Variants in DTNA observed in about 807,000 individuals in gnomAD.
The protein encoded by DTNA is dystrobrevin alpha.
Under a neutral mutation model 100.7 loss-of-function variants are expected in DTNA, and 43 were observed. The observed-to-expected ratio is 0.43, with a 90% CI of 0.33 to 0.55. The LOEUF (loss-of-function observed/expected upper bound fraction) is 0.55, where lower values mean the gene tolerates loss of function less well. Among genes scored for constraint, DTNA ranks in the 20% least tolerant of loss-of-function variants. The pLI is 0.04. For missense variants in DTNA, 798 were observed against 953.9 expected (o/e 0.84, Z 2.15); for synonymous variants, 349 against 347.9 (o/e 1.00, Z -0.04).
At chr18:34,731,829 A>C (rs1396451414) in intron 1 of DTNA, among the ~76,000 whole-genome samples, 1 of 152,184 alleles carries the variant, frequency 6.6e-6, no homozygotes, top group African/African-American at 2.4e-5. Context: ...TCAAATGGAG[A>C]GTGTTAAATG....
At chr18:34,766,098 G>C in intron 3 of DTNA, 57 bp downstream of exon 3, 1 of 1,570,274 alleles carries the variant, frequency 6.4e-7, no homozygotes, top group Non-Finnish European at 8.7e-7. Flanking sequence ...GTTTACATTT[G>C]GTACTAAGTT....
At chr18:34,561,805 A>G (rs2046660210) in intron 1 of DTNA, among the ~76,000 whole-genome samples, 3 of 152,274 alleles carry the variant, frequency 2.0e-5, no homozygotes, top group Admixed American at 1.3e-4. Context: ...TCCTGGCATA[A>G]TCCTTCATTT....
At chr18:34,559,939 T>C (rs1426446396) in intron 1 of DTNA, among the ~76,000 whole-genome samples, 2 of 152,244 alleles carry the variant, frequency 1.3e-5, no homozygotes, top group African/African-American at 2.4e-5. Flanking sequence ...AGAATTATTA[T>C]GATTGTAAAC....
At position 34,883,713 on chromosome 18, in the gene DTNA, A is replaced by T. The variant is rs947956242; in HGVS notation, c.2296-1015A>T. On this transcript the variant is annotated intron_variant, in intron 21 of 22. Transcript: ENST00000444659. ...TCTCCTATTTCTCATATGTCTATAG[A>T]TAAAGCCTTGAAATATTTTTCCAAG... is the stretch of plus-strand genomic sequence containing the variant. Among the ~76,000 whole-genome samples the T allele has an allele frequency of 2.7e-4, 41 of 152,214 alleles. 1 individual carries two copies. Among genetic ancestry groups the T allele is most frequent in the Non-Finnish European group, 5.3e-4 (36 of 68,044 alleles).
chr18:34,682,608 A>C (rs1483575425), intron 1 of DTNA, among the ~76,000 whole-genome samples: 2 of 152,112 alleles, frequency 1.3e-5, no homozygotes, highest in Non-Finnish European at 2.9e-5. Context: ...TTCCCTAATG[A>C]TGTTGAACAT....
At chr18:34,679,005 A>T (rs538987779) in intron 1 of DTNA, among the ~76,000 whole-genome samples, 1 of 152,312 alleles carries the variant, frequency 6.6e-6, no homozygotes, top group Non-Finnish European at 1.5e-5. Context: ...ATCAGAGGAA[A>T]TGTTAGTCTG....
chr18:34,799,845 G>C (rs1386703458), intron 4 of DTNA, among the ~76,000 whole-genome samples: 1 of 152,084 alleles, frequency 6.6e-6, no homozygotes, highest in Admixed American at 6.6e-5. Context: ...AAGGGGTATG[G>C]GGGCATTCCA....
At chr18:34,730,456 C>T (rs972042539) in intron 1 of DTNA, among the ~76,000 whole-genome samples, 1 of 152,268 alleles carries the variant, frequency 6.6e-6, no homozygotes, top group East Asian at 1.9e-4. Context: ...TCAAGAATCA[C>T]AGGTCAGAAG....
chr18:34,558,388 C>T (rs2046326553), intron 1 of DTNA, among the ~76,000 whole-genome samples: 1 of 152,174 alleles, frequency 6.6e-6, no homozygotes, highest in African/African-American at 2.4e-5. Flanking sequence ...CATCTTGGCT[C>T]TTCCCCCCTA....
chr18:34,711,921 T>C (rs1190911911), intron 1 of DTNA, among the ~76,000 whole-genome samples: 3 of 152,154 alleles, frequency 2.0e-5, no homozygotes, highest in Non-Finnish European at 4.4e-5. Flanking sequence ...TTTATTCCTT[T>C]CTTTTTCCCT....
At chr18:34,697,195 C>A (rs1040350568) in intron 1 of DTNA, among the ~76,000 whole-genome samples, 5 of 152,132 alleles carry the variant, frequency 3.3e-5, no homozygotes, top group African/African-American at 4.8e-5. Context: ...CACCACCATT[C>A]CTTTAGGTGG....
chr18:34,745,578 T>C (rs1051181636), intron 1 of DTNA, among the ~76,000 whole-genome samples: 3 of 152,302 alleles, frequency 2.0e-5, no homozygotes, highest in East Asian at 1.9e-4. Context: ...TGTATCCAGG[T>C]ATTCTGGTTC....
intron 1 of DTNA, among the ~76,000 whole-genome samples, chr18:34,637,983 A>G (rs2058841655): frequency 6.6e-6 from 1 of 152,360 alleles, no homozygotes; most frequent in African/African-American, 2.4e-5. Context: ...CACATTGGAA[A>G]GAGTGAGGCT....
At chr18:34,885,256 A>G (rs1036409224) in intron 22 of DTNA, among the ~76,000 whole-genome samples, 7 of 152,208 alleles carry the variant, frequency 4.6e-5, no homozygotes, top group Non-Finnish European at 8.8e-5. Context: ...AATAAAGAGA[A>G]CAAAAGAGCC....
chr18:34,710,297 G>A (rs1268711220), upstream of DTNA: 10 of 152,206 alleles, frequency 6.6e-5, 1 homozygote, highest in Admixed American at 6.5e-4. Flanking sequence ...AGCACAAGGG[G>A]AAGAATGAAC....
intron 16 of DTNA, among the ~76,000 whole-genome samples, chr18:34,859,726 A>C (rs1363319937): frequency 6.6e-6 from 1 of 151,736 alleles, no homozygotes; most frequent in Non-Finnish European, 1.5e-5. Flanking sequence ...CGCTGCCTCC[A>C]GTCCCTATTC....
chr18:34,725,100 A>T (rs1312826138), intron 1 of DTNA, among the ~76,000 whole-genome samples: 1 of 152,214 alleles, frequency 6.6e-6, no homozygotes, highest in African/African-American at 2.4e-5. Flanking sequence ...TTAACTCAAG[A>T]TGGATTAAAG....
chr18:34,563,803 G>A (rs1229295460), intron 1 of DTNA, among the ~76,000 whole-genome samples: 10 of 152,242 alleles, frequency 6.6e-5, no homozygotes, highest in East Asian at 5.8e-4. Context: ...AATGTGGGGC[G>A]GGGGAGAAAT....
intron 1 of DTNA, among the ~76,000 whole-genome samples, chr18:34,571,115 A>T (rs1342645822): frequency 6.6e-6 from 1 of 152,160 alleles, no homozygotes; most frequent in Non-Finnish European, 1.5e-5. Context: ...AACAGCAAAA[A>T]ATTCAAGCCT....
Sources: gnomAD v4.1 joint callset for allele counts (sites outside exome capture counted in the v4.1 genomes callset) on GRCh38, gnomAD v4.1.1 for gene constraint, MANE v1.5 for transcripts, NCBI Gene and HGNC (gene_info 2026-07-23, HGNC 2026-07-21) for gene names.